The following ITCH variants were observed in gnomAD, a reference collection of about 807,000 sequenced individuals.
ITCH encodes the protein E3 ubiquitin-protein ligase Itchy homolog.
In ITCH, 28 loss-of-function variants were observed where a neutral mutation model predicts 126.8. That is an observed-to-expected ratio of 0.22 (90% confidence interval 0.16 to 0.30). The LOEUF is 0.30. Among genes scored for constraint, ITCH ranks in the 10% least tolerant of loss-of-function variants. The pLI, the probability that ITCH is intolerant of heterozygous loss-of-function variation, is 1.00. For missense variants in ITCH, 631 were observed against 1,032.4 expected (o/e 0.61, Z 5.33); for synonymous variants, 342 against 340.0 (o/e 1.01, Z -0.06).
intron 20 of ITCH, among the ~76,000 whole-genome samples, chr20:34,483,454 G>A (rs551361420): frequency 6.6e-6 from 1 of 152,250 alleles, no homozygotes; most frequent in Admixed American, 6.5e-5. Flanking sequence ...TCTCTCTCAA[G>A]TACAATCGTC....
chr20:34,459,084 A>G (rs1986277848), intron 13 of ITCH, among the ~76,000 whole-genome samples: 1 of 152,162 alleles, frequency 6.6e-6, no homozygotes, highest in Non-Finnish European at 1.5e-5. Flanking sequence ...GGTCCACAGG[A>G]TGACTCCAGA....
At chr20:34,494,738 C>G (rs1989741622) in intron 23 of ITCH, among the ~76,000 whole-genome samples, 1 of 152,072 alleles carries the variant, frequency 6.6e-6, no homozygotes, top group Non-Finnish European at 1.5e-5. Flanking sequence ...GCAGGAGGAA[C>G]ACACGAGCCC....
chr20:34,406,038 TTAAA>T (rs1369691370), intron 3 of ITCH, among the ~76,000 whole-genome samples: 3 of 151,884 alleles, frequency 2.0e-5, no homozygotes, highest in Non-Finnish European at 4.4e-5. Flanking sequence ...TTTTTTTTTT[TTAAA>T]AGACAGTTTT....
intron 12 of ITCH, among the ~76,000 whole-genome samples, chr20:34,450,610 G>A (rs1985078124): frequency 6.6e-6 from 1 of 152,160 alleles, no homozygotes; most frequent in Non-Finnish European, 1.5e-5. Context: ...TTGCATAGAA[G>A]CAAGATAATA....
chr20:34,400,646 C>CTTTTTT (rs760416482), intron 3 of ITCH, among the ~76,000 whole-genome samples: 30 of 119,996 alleles, frequency 2.5e-4, no homozygotes, highest in African/African-American at 3.8e-4. Context: ...AAAAATTTTT[C>CTTTTTT]TTTTTTTTTT....
intron 2 of ITCH, among the ~76,000 whole-genome samples, chr20:34,370,097 C>T (rs911532607): frequency 1.4e-5 from 2 of 146,744 alleles, no homozygotes; most frequent in Admixed American, 1.4e-4. Context: ...GAGTGAGACC[C>T]TGTCTCGGAA....
chr20:34,393,764 T>C, intron 2 of ITCH, 27 bp from the exon 3 acceptor site: 2 of 1,328,234 alleles, frequency 1.5e-6, no homozygotes, highest in Non-Finnish European at 2.2e-6. Context: ...TTTTTGATGT[T>C]TACAGTGTCT....
intron 12 of ITCH, among the ~76,000 whole-genome samples, chr20:34,452,189 T>C (rs1296376519): frequency 1.3e-5 from 2 of 152,156 alleles, no homozygotes; most frequent in Non-Finnish European, 2.9e-5. Flanking sequence ...TGCCTCTTGC[T>C]TATAGAAAGC....
intron 16 of ITCH, among the ~76,000 whole-genome samples, chr20:34,475,091 A>G (rs1988048800): frequency 6.7e-6 from 1 of 150,206 alleles, no homozygotes; most frequent in African/African-American, 2.5e-5. Context: ...CACTTCCTAG[A>G]TGTGATGGCG....
At chr20:34,489,532 G>T in intron 21 of ITCH, 146 bp downstream of exon 21, 5 of 799,534 alleles carry the variant, frequency 6.3e-6, no homozygotes, top group South Asian at 5.9e-5. Context: ...AATGGTTAAA[G>T]AAAATCATAA....
At chr20:34,469,019 A>G (rs1987358813) in intron 14 of ITCH, among the ~76,000 whole-genome samples, 1 of 152,186 alleles carries the variant, frequency 6.6e-6, no homozygotes, top group Non-Finnish European at 1.5e-5. Flanking sequence ...AATTTTTAAG[A>G]GGGAGATAAT....
intron 2 of ITCH, among the ~76,000 whole-genome samples, chr20:34,385,147 TG>T (rs1489092229): frequency 6.7e-6 from 1 of 149,194 alleles, no homozygotes; most frequent in Non-Finnish European, 1.5e-5. Flanking sequence ...ACCGAGGAGC[TG>T]GGACCACAGT....
At chr20:34,428,493 T>G (rs1302234435) in intron 7 of ITCH, among the ~76,000 whole-genome samples, 1 of 152,258 alleles carries the variant, frequency 6.6e-6, no homozygotes, top group Non-Finnish European at 1.5e-5. Context: ...GTCTTCTGTT[T>G]ATTTGTTTAT....
At position 34,426,774 on chromosome 20, in the gene ITCH, G is replaced by GTT. The variant is rs796792279; in HGVS notation, c.521+2259_521+2260dup. On this transcript the variant is annotated intron_variant, in intron 7 of 24. Coordinates refer to ENST00000374864, the MANE Select transcript of ITCH (RefSeq NM_031483.7). ...CCGATAGATATATGGAAGTTTTTTG[G>GTT]TTTTTTTTTTTGTTTTTTGAGGTGT... Among the ~76,000 whole-genome samples, 151 of 134,822 alleles carry GTT rather than the reference G, an allele frequency of 1.1e-3. 4 individuals are homozygous for GTT. In the South Asian group the frequency reaches 0.034, roughly 30 times the overall value. 88.4% of individuals were successfully genotyped at this position (134,822 alleles called of 152,430 possible).
chr20:34,501,655 A>G (rs1990252232), intron 23 of ITCH, among the ~76,000 whole-genome samples: 1 of 152,046 alleles, frequency 6.6e-6, no homozygotes, highest in Non-Finnish European at 1.5e-5. Flanking sequence ...CATGCCTGTA[A>G]TCCCAGCTAC....
At chr20:34,416,845 A>G (rs974562517) in intron 6 of ITCH, among the ~76,000 whole-genome samples, 3 of 151,660 alleles carry the variant, frequency 2.0e-5, no homozygotes, top group Admixed American at 6.6e-5. Context: ...TTTTCCTTCA[A>G]TGAAGTACAG....
At chr20:34,477,123 A>G (rs907632689) in intron 16 of ITCH, among the ~76,000 whole-genome samples, 2 of 152,210 alleles carry the variant, frequency 1.3e-5, no homozygotes, top group African/African-American at 2.4e-5. Flanking sequence ...GCTATGAGTC[A>G]AAACCAAACC....
chr20:34,466,072 T>C (rs938253020), intron 14 of ITCH, among the ~76,000 whole-genome samples: 2 of 152,122 alleles, frequency 1.3e-5, no homozygotes, highest in African/African-American at 2.4e-5. Flanking sequence ...ATTGAGGTAG[T>C]TTCCCTCTAT....
chr20:34,482,069 C>G, intron 20 of ITCH, among the ~76,000 whole-genome samples: 1 of 152,156 alleles, frequency 6.6e-6, no homozygotes, highest in East Asian at 1.9e-4. Flanking sequence ...TATTCACTGT[C>G]ATGCAAACAG....
Sources: gnomAD v4.1 joint callset for allele counts (sites outside exome capture counted in the v4.1 genomes callset) on GRCh38, gnomAD v4.1.1 for gene constraint, MANE v1.5 for transcripts, NCBI Gene and HGNC (gene_info 2026-07-23, HGNC 2026-07-21) for gene names.